STXBP6: variants seen among roughly 807,000 people sequenced by gnomAD.
STXBP6 encodes syntaxin-binding protein 6.
In STXBP6, 21 loss-of-function variants were observed where a neutral mutation model predicts 26.9. That is an observed-to-expected ratio of 0.78 (90% confidence interval 0.55 to 1.12). The LOEUF (loss-of-function observed/expected upper bound fraction) is 1.12, where lower values mean the gene tolerates loss of function less well. Among genes scored for constraint, STXBP6 ranks in the 50% most tolerant of loss-of-function variants. The pLI is 0.00. For missense variants in STXBP6, 232 were observed against 257.9 expected, an observed-to-expected ratio of 0.90 and a Z score of 0.69; for synonymous variants, 97 against 92.6, an observed-to-expected ratio of 1.05 and a Z score of -0.27.
intron 2 of STXBP6, among the ~76,000 whole-genome samples, chr14:24,936,364 G>A (rs1405562667): frequency 6.6e-6 from 1 of 152,186 alleles, no homozygotes; most frequent in Non-Finnish European, 1.5e-5. Context: ...CATGCTCTTT[G>A]GATGCTGAGT....
intron 3 of STXBP6, among the ~76,000 whole-genome samples, chr14:24,856,515 C>T (rs2069338184): frequency 6.6e-6 from 1 of 151,966 alleles, no homozygotes; most frequent in Non-Finnish European, 1.5e-5. Flanking sequence ...TATTATTCTT[C>T]ATTATTAGCA....
chr14:24,911,604 C>T (rs190070843), intron 2 of STXBP6, among the ~76,000 whole-genome samples: 7 of 152,326 alleles, frequency 4.6e-5, no homozygotes, highest in Admixed American at 2.0e-4. Flanking sequence ...TTATATCTAA[C>T]GCCTGAGTGT....
chr14:25,010,213 T>C (rs1013559538), intron 1 of STXBP6, among the ~76,000 whole-genome samples: 2 of 152,230 alleles, frequency 1.3e-5, no homozygotes, highest in African/African-American at 2.4e-5. Flanking sequence ...TTATGCTCAC[T>C]TTAGATTTGA....
intron 2 of STXBP6, among the ~76,000 whole-genome samples, chr14:24,966,774 T>G (rs767488812): frequency 1.3e-5 from 2 of 151,828 alleles, no homozygotes; most frequent in South Asian, 2.1e-4. Flanking sequence ...CTGCCAGGAG[T>G]CTCTCCAAAT....
intron 2 of STXBP6, among the ~76,000 whole-genome samples, chr14:24,927,378 C>A (rs2139862573): frequency 6.6e-6 from 1 of 152,268 alleles, no homozygotes; most frequent in South Asian, 2.1e-4. Flanking sequence ...TCCTTGGCCT[C>A]TGAGCTGTGT....
In STXBP6 at chr14:25,050,066, G is replaced by A. The variant is rs1414219462; in HGVS notation, c.-221C>T. 3 of 172,522 alleles carry A rather than the reference G, an allele frequency of 1.7e-5. No individual in the cohort carries two copies. The highest frequency in any genetic ancestry group is 7.2e-5 in the African/African-American group (3 of 41,782). 10.7% of individuals were successfully genotyped at this position (172,522 alleles called of 1,614,324 possible). A position where few individuals can be genotyped will look rare whatever the true frequency, so the allele number is the denominator to read the frequency against. On this transcript the variant is annotated 5_prime_UTR_variant, in exon 1 of 6. Transcript: ENST00000323944. Reference sequence around the variant, plus strand: ...CTGCTGCCGCGCGCGAAAAGGGAGGGGTTGGGGGGAAACTCCCGGCAACTC... The same window carrying A: ...CTGCTGCCGCGCGCGAAAAGGGAGGAGTTGGGGGGAAACTCCCGGCAACTC...
At position 25,049,829 on chromosome 14, in the gene STXBP6, G is replaced by A. The variant is rs1043647791; in HGVS notation, c.-33+49C>T. On this transcript the variant is annotated intron_variant, in intron 1 of 5. Transcript: ENST00000323944. The surrounding 1 kb of genome is among the most constrained non-coding windows in gnomAD (Gnocchi z 5.6). ...CGTGGCGGCTGCAACCGCATCTCCC[G>A]GGCTTGGCCTCCGCCCTGACCGCCT... 11 of 985,744 alleles carry A rather than the reference G, an allele frequency of 1.1e-5. No homozygotes were observed. The highest frequency in any genetic ancestry group is 1.2e-5 in the Non-Finnish European group (10 of 830,272). The allele number at this position is 985,744 out of a possible 1,614,324, so 61.1% of individuals were successfully genotyped here.
chr14:25,041,948 C>A (rs1464712342), intron 1 of STXBP6, among the ~76,000 whole-genome samples: 1 of 152,026 alleles, frequency 6.6e-6, no homozygotes, highest in Non-Finnish European at 1.5e-5. Flanking sequence ...AACAGGGTCT[C>A]AAAGGGTACA....
chr14:24,977,019 C>A (rs1051602479), intron 1 of STXBP6, among the ~76,000 whole-genome samples: 1 of 151,706 alleles, frequency 6.6e-6, no homozygotes, highest in Admixed American at 6.6e-5. Context: ...CCTACCACCA[C>A]GCCCAGCTAA....
intron 1 of STXBP6, among the ~76,000 whole-genome samples, chr14:25,016,435 T>C (rs1312515492): frequency 1.3e-5 from 2 of 152,212 alleles, no homozygotes. Flanking sequence ...ACTGAGGTCC[T>C]AGGCAATCCT....
intron 4 of STXBP6, among the ~76,000 whole-genome samples, chr14:24,821,240 C>T (rs1402759421): frequency 1.3e-5 from 2 of 152,114 alleles, no homozygotes; most frequent in African/African-American, 4.8e-5. Context: ...GGAATAGCTT[C>T]CTTAAATCAA....
rs77718114 is a variant in STXBP6, at chr14:24,886,671, C to T, written c.155-29514G>A. ...TTAACTTTAACTATTTACACATTTGCCAACACTTTGTGCAGTCTGAACTTA... is the reference window on the plus strand; with the variant it reads ...TTAACTTTAACTATTTACACATTTGTCAACACTTTGTGCAGTCTGAACTTA... On this transcript the variant is annotated intron_variant, in intron 2 of 5. Transcript: ENST00000323944. 7.2e-3 allele frequency among the ~76,000 whole-genome samples: 1,098 copies of T among 152,276 alleles called. 12 individuals are homozygous for T. Among genetic ancestry groups the T allele is most frequent in the African/African-American group, 0.025 (1,057 of 41,538 alleles).
At chr14:24,974,570 A>G in intron 2 of STXBP6, 95 bp downstream of exon 2, 6 of 1,182,412 alleles carry the variant, frequency 5.1e-6, no homozygotes, top group Non-Finnish European at 7.0e-6. Context: ...GCAGACACCT[A>G]CAAAACCTGT....
intron 2 of STXBP6, among the ~76,000 whole-genome samples, chr14:24,929,593 G>A (rs1039299129): frequency 6.6e-6 from 1 of 152,170 alleles, no homozygotes; most frequent in African/African-American, 2.4e-5. Flanking sequence ...ACATTTGTCT[G>A]GTTTCCTATT....
At chr14:24,879,241 T>C (rs1370763446) in intron 2 of STXBP6, among the ~76,000 whole-genome samples, 1 of 152,210 alleles carries the variant, frequency 6.6e-6, no homozygotes, top group Non-Finnish European at 1.5e-5. Flanking sequence ...TTGGTTTTGC[T>C]ATGGTCATTT....
chr14:24,898,779 C>T (rs777653302), intron 2 of STXBP6, among the ~76,000 whole-genome samples: 4 of 152,120 alleles, frequency 2.6e-5, no homozygotes, highest in African/African-American at 4.8e-5. Context: ...CAAAAGCATT[C>T]TTTTTTCTTT....
At chr14:24,861,102 T>C (rs974023053) in intron 2 of STXBP6, among the ~76,000 whole-genome samples, 2 of 152,134 alleles carry the variant, frequency 1.3e-5, no homozygotes, top group Admixed American at 6.6e-5. Flanking sequence ...AGTTTGATGT[T>C]CAGGGTGGCT....
At chr14:24,969,755 G>T (rs1312966397) in intron 2 of STXBP6, among the ~76,000 whole-genome samples, 3 of 152,164 alleles carry the variant, frequency 2.0e-5, no homozygotes, top group African/African-American at 7.2e-5. Flanking sequence ...TAAAGATTTT[G>T]TATGTAGACA....
chr14:24,897,580 T>C (rs900370692), intron 2 of STXBP6, among the ~76,000 whole-genome samples: 1 of 152,168 alleles, frequency 6.6e-6, no homozygotes, highest in Non-Finnish European at 1.5e-5. Context: ...GAACCCCACC[T>C]GGAGATGTTA....
Sources: gnomAD v4.1 joint callset for allele counts (sites outside exome capture counted in the v4.1 genomes callset) on GRCh38, gnomAD v4.1.1 for gene constraint, Gnocchi (gnomAD v3.1) non-coding constraint, MANE v1.5 for transcripts, NCBI Gene and HGNC (gene_info 2026-07-23, HGNC 2026-07-21) for gene names.